SLC4A4: variants seen among roughly 807,000 people sequenced by gnomAD.
SLC4A4 encodes solute carrier family 4 member 4.
Under a neutral mutation model 111.5 loss-of-function variants are expected in SLC4A4, and 27 were observed. That is an observed-to-expected ratio of 0.24 (90% CI 0.18 to 0.33). The LOEUF is 0.33. Ranked by LOEUF, SLC4A4 falls within the 10% of genes least tolerant of loss-of-function variation. The probability of loss-of-function intolerance (pLI) is 1.00; values close to 1 mark genes in which losing one functional copy is unlikely to be tolerated. For missense variants in SLC4A4, 909 were observed against 1,315.5 expected, an observed-to-expected ratio of 0.69 and a Z score of 4.78; for synonymous variants, 443 against 463.4, an observed-to-expected ratio of 0.96 and a Z score of 0.57.
chr4:71,501,551 G>A (rs1209916534), intron 16 of SLC4A4, among the ~76,000 whole-genome samples: 1 of 148,382 alleles, frequency 6.7e-6, no homozygotes, highest in Non-Finnish European at 1.5e-5. Flanking sequence ...TTTAATCACT[G>A]AATTTATTTA....
chr4:71,237,055 T>C (rs1719863366), intron 2 of SLC4A4, among the ~76,000 whole-genome samples: 1 of 152,224 alleles, frequency 6.6e-6, no homozygotes, highest in South Asian at 2.1e-4. Context: ...ATATAGATAC[T>C]ACAGAAGGAT....
intron 7 of SLC4A4, among the ~76,000 whole-genome samples, chr4:71,433,305 C>G (rs547458001): frequency 7.3e-5 from 11 of 151,598 alleles, no homozygotes; most frequent in Admixed American, 1.3e-4. Flanking sequence ...TATTGATAAA[C>G]TCTGTGTGTT....
chr4:71,170,815 G>T (rs1030804861), intron 2 of SLC4A4, among the ~76,000 whole-genome samples: 1 of 152,158 alleles, frequency 6.6e-6, no homozygotes, highest in Admixed American at 6.5e-5. Context: ...GAGGTCTTTA[G>T]GGCTGAACTA....
At chr4:71,148,923 G>A (rs1004044753) in intron 2 of SLC4A4, among the ~76,000 whole-genome samples, 1 of 152,072 alleles carries the variant, frequency 6.6e-6, no homozygotes, top group Non-Finnish European at 1.5e-5. Context: ...GGGATTGCTG[G>A]GTTGAATGGT....
intron 2 of SLC4A4, among the ~76,000 whole-genome samples, chr4:71,150,283 T>A (rs16845915): frequency 0.015 from 2,270 of 152,082 alleles, 68 homozygotes; most frequent in African/African-American, 0.052. Flanking sequence ...GTGGAATGGG[T>A]GAAATAGCAA....
chr4:71,411,020 A>G (rs1370090499), intron 7 of SLC4A4, among the ~76,000 whole-genome samples: 1 of 152,202 alleles, frequency 6.6e-6, no homozygotes, highest in Non-Finnish European at 1.5e-5. Context: ...TTTTGTGCTG[A>G]AAGAGTGTAC....
At chr4:71,116,838 G>A (rs935832456) in intron 2 of SLC4A4, among the ~76,000 whole-genome samples, 6 of 152,038 alleles carry the variant, frequency 3.9e-5, no homozygotes, top group Non-Finnish European at 8.8e-5. Context: ...AGCTACTGAG[G>A]AGGCTGAGGC....
intron 7 of SLC4A4, among the ~76,000 whole-genome samples, chr4:71,432,521 T>A (rs933366076): frequency 2.6e-5 from 4 of 152,140 alleles, no homozygotes; most frequent in South Asian, 2.1e-4. Flanking sequence ...GTAAATTTTT[T>A]TAAAAATATT....
chr4:71,283,010 A>T (rs1355520952), intron 3 of SLC4A4, among the ~76,000 whole-genome samples: 1 of 152,138 alleles, frequency 6.6e-6, no homozygotes, highest in Non-Finnish European at 1.5e-5. Context: ...TGCTGAATAG[A>T]CTTGGTTAGT....
intron 2 of SLC4A4, among the ~76,000 whole-genome samples, chr4:71,241,192 A>G (rs1226253750): frequency 6.6e-6 from 1 of 152,170 alleles, no homozygotes. Flanking sequence ...ATGAAATGAT[A>G]TAGCCTCTCA....
rs926779481 is a variant in SLC4A4 at position 71,570,741 on chromosome 4, A to G, written c.*2990A>G. 6.6e-6 allele frequency: 1 copy of G among 152,044 alleles called. No individual in the cohort carries two copies. Among genetic ancestry groups the G allele is most frequent in the African/African-American group, 2.4e-5 (1 of 41,406 alleles). The allele number at this position is 152,044 out of a possible 1,614,324, so 9.4% of individuals were successfully genotyped here. Reference sequence around the variant, plus strand: ...ACTAAGTCAAGTGTCTGCCTTATCAAAAGAGCAAAAATGCCTCTGGTTTTG... The same window carrying G: ...ACTAAGTCAAGTGTCTGCCTTATCAGAAGAGCAAAAATGCCTCTGGTTTTG... On this transcript the variant is annotated 3_prime_UTR_variant, in exon 26 of 26. Coordinates refer to ENST00000264485, the MANE Select transcript of SLC4A4 (RefSeq NM_001098484.3).
At chr4:71,387,204 A>C (rs1448889816) in intron 6 of SLC4A4, among the ~76,000 whole-genome samples, 1 of 152,060 alleles carries the variant, frequency 6.6e-6, no homozygotes, top group Non-Finnish European at 1.5e-5. Context: ...TCTCTTTTTT[A>C]ACTCCATGTC....
At chr4:71,322,847 T>C (rs1727226594) in intron 3 of SLC4A4, among the ~76,000 whole-genome samples, 1 of 151,944 alleles carries the variant, frequency 6.6e-6, no homozygotes, top group Non-Finnish European at 1.5e-5. Flanking sequence ...TTATAGAAAG[T>C]GTCCTTTCTT....
intron 1 of SLC4A4, among the ~76,000 whole-genome samples, chr4:71,074,660 G>A (rs1741759272): frequency 6.6e-6 from 1 of 151,706 alleles, no homozygotes; most frequent in African/African-American, 2.4e-5. Flanking sequence ...AAGGAAGAAG[G>A]GGAGGAAGGA....
intron 7 of SLC4A4, among the ~76,000 whole-genome samples, chr4:71,427,265 CT>C (rs1341782875): frequency 1.3e-5 from 2 of 151,830 alleles, no homozygotes; most frequent in African/African-American, 4.8e-5. Context: ...TTTAGCTTTT[CT>C]TTTTTTGTAA....
At chr4:71,120,182 T>A (rs1743376694) in intron 2 of SLC4A4, among the ~76,000 whole-genome samples, 2 of 152,208 alleles carry the variant, frequency 1.3e-5, no homozygotes, top group Admixed American at 6.5e-5. Context: ...ATATTAAAAG[T>A]TTATTTATAC....
chr4:71,107,671 A>G (rs1053038992), intron 2 of SLC4A4, among the ~76,000 whole-genome samples: 2 of 150,808 alleles, frequency 1.3e-5, no homozygotes, highest in African/African-American at 4.9e-5. Context: ...TTTACAGATA[A>G]ACATTTTAAT....
chr4:71,520,093 T>A (rs7665914), intron 16 of SLC4A4, among the ~76,000 whole-genome samples: 88,805 of 152,098 alleles, frequency 0.58, 28,753 homozygotes, highest in Non-Finnish European at 0.74. Context: ...TTAAAACATA[T>A]GCTTAAACAT....
intron 1 of SLC4A4, among the ~76,000 whole-genome samples, chr4:71,228,617 A>G (rs1213097528): frequency 6.6e-6 from 1 of 152,216 alleles, no homozygotes; most frequent in Non-Finnish European, 1.5e-5. Context: ...GTTTTGCCTG[A>G]TTCTGCATGT....
Sources: allele counts gnomAD v4.1 joint callset (sites outside exome capture counted in the v4.1 genomes callset), GRCh38; gene constraint gnomAD v4.1.1; transcripts MANE v1.5; gene names NCBI Gene and HGNC (gene_info 2026-07-23, HGNC 2026-07-21).